RGSL1: variants seen among roughly 807,000 people sequenced by gnomAD.
RGSL1 encodes regulator of G protein signaling like 1, also known as regulator of G protein signaling protein-like.
RGSL1 carries 97 observed loss-of-function variants against 124.7 expected under a neutral mutation model. That is an observed-to-expected ratio of 0.78 (90% CI 0.66 to 0.92). The LOEUF is 0.92. RGSL1 is among the 40% of genes least tolerant of loss of function. The pLI is 0.00. For synonymous variants in RGSL1, 424 were observed against 438.1 expected (o/e 0.97, Z 0.40); for missense variants, 1,233 against 1,288.4 (o/e 0.96, Z 0.66).
At chr1:182,503,827 A>T (rs1293615177) in intron 9 of RGSL1, among the ~76,000 whole-genome samples, 2 of 152,148 alleles carry the variant, frequency 1.3e-5, no homozygotes, top group Admixed American at 1.3e-4. Flanking sequence ...TGATGTAATA[A>T]TTATGTATTG....
rs149245491 is a variant in RGSL1, at chr1:182,524,269, T to C, written c.1931+2160T>C. Among the ~76,000 whole-genome samples the C allele has an allele frequency of 3.1e-4, 36 of 116,990 alleles. No homozygotes were observed. In the East Asian group the frequency reaches 7.6e-3, roughly 25 times the overall value. The allele number at this position is 116,990 out of a possible 152,430, so 76.7% of individuals were successfully genotyped here. A position where few individuals can be genotyped will look rare whatever the true frequency, so the allele number is the denominator to read the frequency against. ...ATATCTACTATATGGATTTTTAAAA[T>C]ATTAGTCTGACAGAAATGAGAGTAT... On this transcript the variant is annotated intron_variant, in intron 10 of 21. Transcript: ENST00000294854.
chr1:182,469,799 T>A (rs1237784919), intron 4 of RGSL1, among the ~76,000 whole-genome samples: 1 of 152,050 alleles, frequency 6.6e-6, no homozygotes, highest in East Asian at 1.9e-4. Context: ...AGATTTTAAA[T>A]ATATATATAT....
chr1:182,461,585 T>C (rs143142144), intron 4 of RGSL1, among the ~76,000 whole-genome samples: 2,109 of 149,374 alleles, frequency 0.014, 42 homozygotes, highest in African/African-American at 0.046. Context: ...TTAAATATGG[T>C]CAAAGAACTA....
chr1:182,539,893 T>C (rs1219427036), intron 14 of RGSL1, among the ~76,000 whole-genome samples: 1 of 152,216 alleles, frequency 6.6e-6, no homozygotes, highest in Non-Finnish European at 1.5e-5. Context: ...CTGATAAAAC[T>C]TGAGTAAGCA....
intron 17 of RGSL1, chr1:182,550,111 T>C (rs1660466405): frequency 6.6e-6 from 1 of 152,224 alleles, no homozygotes; most frequent in South Asian, 2.1e-4. Flanking sequence ...TTACATATAT[T>C]ATCTTAAACG....
chr1:182,509,354 G>A (rs78988578), intron 9 of RGSL1, among the ~76,000 whole-genome samples: 14 of 23,900 alleles, frequency 5.9e-4, no homozygotes, highest in African/African-American at 9.6e-4. Flanking sequence ...GCGGCTGGCC[G>A]GGCAGAGGGG....
At chr1:182,475,938 G>C (rs150241766) in intron 6 of RGSL1, among the ~76,000 whole-genome samples, 174 of 152,296 alleles carry the variant, frequency 1.1e-3, no homozygotes, top group African/African-American at 4.1e-3. Flanking sequence ...AAGAGACAGA[G>C]AGAATAGTCT....
chr1:182,468,434 G>T (rs1653531615), intron 4 of RGSL1, among the ~76,000 whole-genome samples: 2 of 152,182 alleles, frequency 1.3e-5, no homozygotes, highest in Admixed American at 1.3e-4. Context: ...ATACTATGCA[G>T]CCATAAAAAA....
At chr1:182,451,329 C>A (rs185929256) in intron 1 of RGSL1, among the ~76,000 whole-genome samples, 78 of 116,286 alleles carry the variant, frequency 6.7e-4, no homozygotes, top group African/African-American at 1.9e-3. Flanking sequence ...TAAAAACAGT[C>A]AGACTTGTTA....
intron 6 of RGSL1, among the ~76,000 whole-genome samples, chr1:182,475,042 C>T (rs1004641720): frequency 5.3e-5 from 8 of 152,122 alleles, no homozygotes; most frequent in South Asian, 2.1e-4. Context: ...AATTTTGCAA[C>T]GTCCCCCAAA....
intron 8 of RGSL1, 40 bp downstream of exon 8, chr1:182,489,242 G>A: frequency 3.5e-6 from 5 of 1,438,508 alleles, no homozygotes; most frequent in Non-Finnish European, 4.8e-6. Flanking sequence ...CTTTACATAT[G>A]GGCAACTGGA....
chr1:182,508,290 GT>G lies in RGSL1; in HGVS notation c.1826-13689del, dbSNP rs58641894. ...GGTGATGGTTGTTGGTGGTGGTGGTGTTTTTTTTTTTTTTTTTTTTTTTTTG... is the reference window on the plus strand; with the variant it reads ...GGTGATGGTTGTTGGTGGTGGTGGTGTTTTTTTTTTTTTTTTTTTTTTTTG... On this transcript the variant is annotated intron_variant, in intron 9 of 21. Coordinates refer to ENST00000294854, the MANE Select transcript of RGSL1 (RefSeq NM_001137669.2). Among the ~76,000 whole-genome samples the G allele has an allele frequency of 5.3e-3, 284 of 53,766 alleles. 1 individual carries two copies. Among genetic ancestry groups the G allele is most frequent in the African/African-American group, 9.4e-3 (119 of 12,630 alleles). 35.3% of individuals were successfully genotyped at this position (53,766 alleles called of 152,430 possible).
At chr1:182,476,482 G>A (rs756792474) in intron 6 of RGSL1, among the ~76,000 whole-genome samples, 13 of 152,004 alleles carry the variant, frequency 8.6e-5, no homozygotes, top group East Asian at 1.9e-4. Context: ...CCTTTCCACC[G>A]TTGTTACAAC....
intron 9 of RGSL1, among the ~76,000 whole-genome samples, chr1:182,513,897 CT>C (rs35152167): frequency 0.042 from 5,761 of 138,768 alleles, 330 homozygotes; most frequent in African/African-American, 0.14. Flanking sequence ...CTCTCCCTAT[CT>C]TTTTTTTTTT....
chr1:182,498,271 CG>C (rs1656079365), intron 9 of RGSL1, among the ~76,000 whole-genome samples: 1 of 147,938 alleles, frequency 6.8e-6, no homozygotes. Context: ...GCTTATGTCT[CG>C]TTTTGGAATG....
chr1:182,499,316 G>A (rs114082135), intron 9 of RGSL1, among the ~76,000 whole-genome samples: 2,545 of 152,216 alleles, frequency 0.017, 72 homozygotes, highest in African/African-American at 0.058. Context: ...AAGTCTCTTC[G>A]CAGGTCTCTA....
chr1:182,535,010 A>G (rs993702410), intron 14 of RGSL1, among the ~76,000 whole-genome samples: 1 of 152,146 alleles, frequency 6.6e-6, no homozygotes, highest in African/African-American at 2.4e-5. Flanking sequence ...CTGACTTCCA[A>G]TTCCCCTTAG....
chr1:182,544,764 A>C (rs1356268521), intron 15 of RGSL1, among the ~76,000 whole-genome samples: 2 of 151,998 alleles, frequency 1.3e-5, no homozygotes, highest in East Asian at 3.8e-4. Flanking sequence ...CTCTTTTTAG[A>C]GTCTTCAACT....
intron 14 of RGSL1, among the ~76,000 whole-genome samples, chr1:182,535,936 C>A (rs1444680216): frequency 6.6e-6 from 1 of 152,078 alleles, no homozygotes; most frequent in East Asian, 1.9e-4. Flanking sequence ...CAACACCCTC[C>A]CCGCTCCACT....
Sources: gnomAD v4.1 joint callset for allele counts (sites outside exome capture counted in the v4.1 genomes callset) on GRCh38, gnomAD v4.1.1 for gene constraint, MANE v1.5 for transcripts, NCBI Gene and HGNC (gene_info 2026-07-23, HGNC 2026-07-21) for gene names.